PPM1G: variants seen among roughly 807,000 people sequenced by gnomAD.
PPM1G encodes protein phosphatase 1G.
PPM1G carries 12 observed loss-of-function variants against 59.4 expected under a neutral mutation model. The observed-to-expected ratio is 0.20, with a 90% confidence interval of 0.13 to 0.33. The LOEUF (loss-of-function observed/expected upper bound fraction) is 0.33. Among genes scored for constraint, PPM1G ranks in the 10% least tolerant of loss-of-function variants. The pLI is 1.00. For missense variants in PPM1G, 392 were observed against 681.3 expected (o/e 0.58, Z 4.73); for synonymous variants, 245 against 251.9 (o/e 0.97, Z 0.26).
In PPM1G at chr2:27,382,057, G is replaced by C; in HGVS notation, c.1434+69C>G. The stretch of plus-strand genomic sequence containing the variant: ...ATAATGCTCCCAGATTGCCGACTTA[G>C]CTCAGATTAAAAGAGTGAACCCTGG... On this transcript the variant is annotated intron_variant, in intron 9 of 9. Transcript: ENST00000344034. This position sits in a 1 kb window ranked among gnomAD's most constrained non-coding sequence, Gnocchi z 4.2. The C allele has an allele frequency of 6.8e-7, 1 of 1,475,656 alleles. No individual in the cohort carries two copies. Among genetic ancestry groups the C allele is most frequent in the Non-Finnish European group, 9.5e-7 (1 of 1,057,060 alleles). 91.4% of individuals were successfully genotyped at this position (1,475,656 alleles called of 1,614,324 possible).
chr2:27,382,823 TTTTTTG>T lies in PPM1G; in HGVS notation c.1202-224_1202-219del, dbSNP rs1213437007. On this transcript the variant is annotated intron_variant, in intron 7 of 9. Coordinates refer to ENST00000344034, the MANE Select transcript of PPM1G (RefSeq NM_177983.3). This position sits in a 1 kb window ranked among gnomAD's most constrained non-coding sequence, Gnocchi z 4.2. ...CTCACTGGTCTTTTTATTTTAAGTC[TTTTTTG>T]TTTTTTTTTTTTTGAGACGGAGTTT... is the stretch of plus-strand genomic sequence containing the variant. Among the ~76,000 whole-genome samples, 1 of 112,922 alleles carries T rather than the reference TTTTTTG, an allele frequency of 8.9e-6. No homozygotes were observed. 74.1% of individuals were successfully genotyped at this position (112,922 alleles called of 152,430 possible).
At chr2:27,381,861 C>A in intron 9 of PPM1G, 56 bp from the exon 10 acceptor site, 2 of 1,559,038 alleles carry the variant, frequency 1.3e-6, no homozygotes, top group South Asian at 2.2e-5. Context: ...TGCCAGGAAT[C>A]TACAGTCCCA....
chr2:27,408,741 T>G (rs976993001), intron 1 of PPM1G, among the ~76,000 whole-genome samples: 9 of 152,108 alleles, frequency 5.9e-5, no homozygotes, highest in African/African-American at 2.2e-4. Flanking sequence ...GAGTGACAAC[T>G]CCTGGAGGTC....
At chr2:27,402,806 CAATAAATAAATAAATAAATAAATAAATA>C (rs201750083) in intron 1 of PPM1G, among the ~76,000 whole-genome samples, 9 of 140,834 alleles carry the variant, frequency 6.4e-5, no homozygotes, top group Admixed American at 5.7e-4. Flanking sequence ...GACTCCATCT[CAATAAATAAATAAATAAATAAATAAATA>C]AATAAATAAA....
intron 2 of PPM1G, 37 bp downstream of exon 2, chr2:27,387,052 G>A (rs750220118): frequency 3.3e-6 from 5 of 1,519,474 alleles, no homozygotes; most frequent in Non-Finnish European, 2.7e-6. Context: ...TGGAATTGGG[G>A]TCCTAGAATG....
Position 27,383,946 on chromosome 2 carries a change from A to G in PPM1G, c.966+6T>C. The G allele has an allele frequency of 6.4e-7, 1 of 1,552,234 alleles. No individual in the cohort carries two copies. Among genetic ancestry groups the G allele is most frequent in the Non-Finnish European group, 8.7e-7 (1 of 1,147,128 alleles). Reference sequence around the variant, plus strand: ...TCAAGACTCATTGCTCCCCTTCCCCACACACCTCCTCTTTGCCTTCCATCC... The same window carrying G: ...TCAAGACTCATTGCTCCCCTTCCCCGCACACCTCCTCTTTGCCTTCCATCC... On this transcript the variant is annotated splice_donor_region_variant and intron_variant, in intron 6 of 9. Coordinates refer to ENST00000344034, the MANE Select transcript of PPM1G (RefSeq NM_177983.3). This position sits in a 1 kb window ranked among gnomAD's most constrained non-coding sequence, Gnocchi z 5.0.
intron 1 of PPM1G, among the ~76,000 whole-genome samples, chr2:27,400,647 G>T (rs1342169434): frequency 6.6e-6 from 1 of 152,112 alleles, no homozygotes; most frequent in Non-Finnish European, 1.5e-5. Flanking sequence ...ATAAGAAAAA[G>T]AGTTAACTAG....
chr2:27,404,524 C>T (rs562483279), intron 1 of PPM1G, among the ~76,000 whole-genome samples: 2 of 149,924 alleles, frequency 1.3e-5, no homozygotes, highest in African/African-American at 4.9e-5. Flanking sequence ...CACTCCAGCC[C>T]GGGTGACAAT....
chr2:27,401,487 G>GT (rs1684178928), intron 1 of PPM1G, among the ~76,000 whole-genome samples: 1 of 152,126 alleles, frequency 6.6e-6, no homozygotes, highest in South Asian at 2.1e-4. Context: ...TCTTTTTGGG[G>GT]TTCTAAAACT....
rs1041084408 is a variant in PPM1G at position 27,385,394 on chromosome 2, A to G, written c.410-306T>C. On this transcript the variant is annotated intron_variant, in intron 4 of 9. Transcript: ENST00000344034. The surrounding 1 kb of genome is among the most constrained non-coding windows in gnomAD (Gnocchi z 4.1). ...CTGGCTGAGGATCCAGGAAGCCCAC[A>G]ATGCTACTGTGAATTAGGATTTAGG... The G allele has an allele frequency of 2.1e-5, 9 of 421,638 alleles. No individual in the cohort carries two copies. The allele number at this position is 421,638 out of a possible 1,614,324, so 26.1% of individuals were successfully genotyped here.
intron 1 of PPM1G, among the ~76,000 whole-genome samples, chr2:27,395,427 G>C (rs546708451): frequency 2.6e-5 from 4 of 152,180 alleles, no homozygotes; most frequent in African/African-American, 9.6e-5. Context: ...TTCTCAGGAG[G>C]CTGGGGCATG....
rs1572658288 is a variant in PPM1G at position 27,381,468 on chromosome 2, C to T, written c.*131G>A. 3 of 997,894 alleles carry T rather than the reference C, an allele frequency of 3.0e-6. No homozygotes were observed. The highest frequency in any genetic ancestry group is 4.6e-6 in the Non-Finnish European group (3 of 656,302). The allele number at this position is 997,894 out of a possible 1,614,324, so 61.8% of individuals were successfully genotyped here. On this transcript the variant is annotated 3_prime_UTR_variant, in exon 10 of 10. Transcript: ENST00000344034. ...GAGGGAGAGCCCTCTTTGGAATGGG[C>T]GGAGTGAAGCCACCCAGCTCCCCCT... is the stretch of plus-strand genomic sequence containing the variant.
intron 1 of PPM1G, 60 bp from the exon 2 acceptor site, chr2:27,387,218 A>G: frequency 7.1e-7 from 1 of 1,407,328 alleles, no homozygotes; most frequent in Non-Finnish European, 1.0e-6. Context: ...CTCAGGTCAT[A>G]GGGATCAATG....
chr2:27,399,172 A>AC (rs59202545), intron 1 of PPM1G, among the ~76,000 whole-genome samples: 2,607 of 152,094 alleles, frequency 0.017, 65 homozygotes, highest in African/African-American at 0.06. Flanking sequence ...AACAACAACA[A>AC]AAACAAAACA....
rs1683708626 is a variant in PPM1G at position 27,384,210 on chromosome 2, C to G, written c.826-118G>C. 1 of 1,505,598 alleles carries G rather than the reference C, an allele frequency of 6.6e-7. No individual in the cohort carries two copies. Among genetic ancestry groups the G allele is most frequent in the African/African-American group, 1.4e-5 (1 of 72,238 alleles). 93.3% of individuals were successfully genotyped at this position (1,505,598 alleles called of 1,614,324 possible). On this transcript the variant is annotated intron_variant, in intron 5 of 9. Transcript: ENST00000344034. This position sits in a 1 kb window ranked among gnomAD's most constrained non-coding sequence, Gnocchi z 4.8. ...CAGGTCCTCAAAACACTGAAAGATA[C>G]AAGTATATGGTCATGAAAATTGGGG... is the stretch of plus-strand genomic sequence containing the variant.
intron 1 of PPM1G, among the ~76,000 whole-genome samples, chr2:27,391,030 C>T (rs114952722): frequency 6.6e-6 from 1 of 152,212 alleles, no homozygotes; most frequent in Admixed American, 6.5e-5. Flanking sequence ...TTAATGGGTG[C>T]ATAGTATTCC....
At chr2:27,404,943 C>T (rs1320137905) in intron 1 of PPM1G, among the ~76,000 whole-genome samples, 6 of 127,396 alleles carry the variant, frequency 4.7e-5, no homozygotes, top group Admixed American at 1.7e-4. Context: ...GACTCCGTCT[C>T]GGAGAAAAAA....
At chr2:27,392,330 T>G (rs1435699811) in intron 1 of PPM1G, among the ~76,000 whole-genome samples, 1 of 140,696 alleles carries the variant, frequency 7.1e-6, no homozygotes, top group African/African-American at 2.7e-5. Flanking sequence ...AATGTCTCCC[T>G]GTCACCCAGG....
chr2:27,392,752 AC>A (rs753288100), intron 1 of PPM1G: 34 of 1,296,928 alleles, frequency 2.6e-5, no homozygotes, highest in Non-Finnish European at 2.9e-5. Flanking sequence ...AAGGTAAGTC[AC>A]CCTATGGCTA....
Sources: allele counts gnomAD v4.1 joint callset (sites outside exome capture counted in the v4.1 genomes callset), GRCh38; gene constraint gnomAD v4.1.1; non-coding constraint Gnocchi (gnomAD v3.1); transcripts MANE v1.5; gene names NCBI Gene and HGNC (gene_info 2026-07-23, HGNC 2026-07-21).